INTS2: variants seen among roughly 807,000 people sequenced by gnomAD.
INTS2 encodes KIAA1287.
A neutral mutation model predicts 139.6 loss-of-function variants in INTS2; 57 were observed. That is an observed-to-expected ratio of 0.41 (90% CI 0.33 to 0.51). The LOEUF is 0.51. INTS2 is among the 20% of genes least tolerant of loss of function. The pLI, the probability that INTS2 is intolerant of heterozygous loss-of-function variation, is 0.28. For synonymous variants in INTS2, 473 were observed against 493.4 expected (o/e 0.96, Z 0.55); for missense variants, 1,196 against 1,436.7 (o/e 0.83, Z 2.71).
chr17:61,912,225 T>G (rs1223390729), intron 5 of INTS2, among the ~76,000 whole-genome samples, 155 bp from the exon 6 acceptor site: 1 of 152,024 alleles, frequency 6.6e-6, no homozygotes, highest in African/African-American at 2.4e-5. Flanking sequence ...AAAAGAATAG[T>G]AAACTCTGGG....
chr17:61,912,729 T>C (rs377011757), intron 5 of INTS2, among the ~76,000 whole-genome samples: 44 of 152,132 alleles, frequency 2.9e-4, no homozygotes, highest in African/African-American at 9.4e-4. Flanking sequence ...AAGAAAATCA[T>C]ACCAAGAAAC....
In INTS2 at chr17:61,878,038, G is replaced by A. The variant is rs755761011; in HGVS notation, c.2305C>T (p.His769Tyr). ...NNTQVMQIIE[H>Y]LTLLSASELI... ...TCACTGGCAGAGAGTAGAGTCAAGT[G>A]TTCTATAATCTGCATCACTTGTGTG... Residue 769 changes from histidine to tyrosine, a missense_variant, in exon 18 of 25, where the codon CAC becomes TAC. Transcript: ENST00000251334. 2 of 1,612,832 alleles carry A rather than the reference G, an allele frequency of 1.2e-6. No homozygotes were observed. Among genetic ancestry groups the A allele is most frequent in the Non-Finnish European group, 1.7e-6 (2 of 1,178,858 alleles).
intron 5 of INTS2, among the ~76,000 whole-genome samples, chr17:61,916,376 T>G (rs1277178391): frequency 6.6e-6 from 1 of 152,180 alleles, no homozygotes; most frequent in African/African-American, 2.4e-5. Context: ...AGAGCTGCAG[T>G]GAGCCAAGGT....
rs1465945119 is a variant in INTS2, at chr17:61,869,075, A to T, written c.3203T>A (p.Val1068Glu). Reference sequence around the variant, plus strand: ...CATGACATTGACAGCTAAACGAGCCACACTAAGTGACTTTGGTAATGCATA... The same window carrying T: ...CATGACATTGACAGCTAAACGAGCCTCACTAAGTGACTTTGGTAATGCATA... ...IQYALPKSLS[V>E]ARLAVNVMGT... Residue 1068 changes from valine (V) to glutamate (E), a missense_variant, in exon 23 of 25, where the codon GTG (valine) becomes GAG (glutamate). Val to Glu is a moderately radical substitution (Grantham distance 121). Transcript: ENST00000251334. The surrounding 1 kb of genome is among the most constrained non-coding windows in gnomAD (Gnocchi z 5.4). 6.2e-7 allele frequency: 1 copy of T among 1,612,890 alleles called. No individual in the cohort carries two copies. Among genetic ancestry groups the T allele is most frequent in the Non-Finnish European group, 8.5e-7 (1 of 1,179,016 alleles).
At chr17:61,888,427 TTC>T (rs2079251573) in intron 15 of INTS2, among the ~76,000 whole-genome samples, 1 of 152,182 alleles carries the variant, frequency 6.6e-6, no homozygotes, top group Admixed American at 6.5e-5. Context: ...CAGGTAAACC[TTC>T]TTTTTCAAAT....
At chr17:61,907,346 T>C (rs1014114606) in intron 8 of INTS2, 62 bp downstream of exon 8, 35 of 1,409,822 alleles carry the variant, frequency 2.5e-5, no homozygotes, top group Non-Finnish European at 3.3e-5. Flanking sequence ...TGGCTCACTT[T>C]CTTGAGAATA....
chr17:61,907,288 A>G, intron 8 of INTS2, 120 bp downstream of exon 8: 1 of 742,358 alleles, frequency 1.3e-6, no homozygotes, highest in Non-Finnish European at 2.2e-6. Flanking sequence ...AGGCCAGCCC[A>G]CTACCTGAGT....
chr17:61,865,485 C>T lies in INTS2; in HGVS notation c.*2072G>A, dbSNP rs1308686515. ...AATTTTATAACCTTAACTTAAAATACATGAATATTAACATTTACTAATATA... is the reference window on the plus strand; with the variant it reads ...AATTTTATAACCTTAACTTAAAATATATGAATATTAACATTTACTAATATA... On this transcript the variant is annotated 3_prime_UTR_variant, in exon 25 of 25. Transcript: ENST00000251334. The surrounding 1 kb of genome is among the most constrained non-coding windows in gnomAD (Gnocchi z 4.8). 1.3e-5 allele frequency: 2 copies of T among 152,566 alleles called. No individual in the cohort carries two copies. Among genetic ancestry groups the T allele is most frequent in the African/African-American group, 2.4e-5 (1 of 41,414 alleles). The allele number at this position is 152,566 out of a possible 1,614,324, so 9.5% of individuals were successfully genotyped here. A position where few individuals can be genotyped will look rare whatever the true frequency, so the allele number is the denominator to read the frequency against.
chr17:61,904,555 C>T lies in INTS2; in HGVS notation c.1212G>A (p.Leu404=). 1 of 1,612,090 alleles carries T rather than the reference C, an allele frequency of 6.2e-7. No homozygotes were observed. Among genetic ancestry groups the T allele is most frequent in the South Asian group, 1.1e-5 (1 of 90,600 alleles). Residue 404 remains leucine (L), a synonymous_variant, in exon 9 of 25, where the codon CTG becomes CTA. Transcript: ENST00000251334. ...CAGGAGGACGGCTCGTCATCAACTG[C>T]AGTAATTGCTCAGCTTCTTCTTCAG... ...KPTEEEAEQL[L]QLMTSRPPAT...
chr17:61,882,404 G>C lies in INTS2; in HGVS notation c.2090-1233C>G, dbSNP rs8081200. Among the ~76,000 whole-genome samples the C allele has an allele frequency of 0.15, 23,315 of 152,054 alleles. 2,777 individuals carry two copies. Among genetic ancestry groups the C allele is most frequent in the African/African-American group, 0.32 (13,134 of 41,424 alleles). On this transcript the variant is annotated intron_variant, in intron 16 of 24. Coordinates refer to ENST00000251334, the MANE Select transcript of INTS2 (RefSeq NM_001351695.2). The surrounding 1 kb of genome is among the most constrained non-coding windows in gnomAD (Gnocchi z 4.7). ...TTTATAACATTTTACCTATACCACA[G>C]TTTGACTATTCATGACTATTATGTA...
intron 9 of INTS2, among the ~76,000 whole-genome samples, chr17:61,901,579 T>A (rs1165757610): frequency 3.0e-4 from 6 of 19,856 alleles, no homozygotes; most frequent in East Asian, 2.3e-3. Flanking sequence ...AATGATTTCT[T>A]TTTTTTTTTT....
At chr17:61,920,211 C>T (rs1228493841) in intron 4 of INTS2, among the ~76,000 whole-genome samples, 1 of 138,208 alleles carries the variant, frequency 7.2e-6, no homozygotes, top group Admixed American at 7.4e-5. Flanking sequence ...GACGAAGTCT[C>T]GCTTTTGTCC....
chr17:61,906,554 GC>G (rs1373356299), intron 8 of INTS2, among the ~76,000 whole-genome samples: 5 of 152,256 alleles, frequency 3.3e-5, no homozygotes, highest in Middle Eastern at 6.8e-3. Context: ...AACTGAAATG[GC>G]AACTGTGTTG....
intron 9 of INTS2, among the ~76,000 whole-genome samples, chr17:61,901,168 C>CTGAG (rs2079400780): frequency 6.6e-6 from 1 of 151,906 alleles, no homozygotes; most frequent in Non-Finnish European, 1.5e-5. Context: ...ACTTGGGAGG[C>CTGAG]TGAGGTGGAA....
intron 2 of INTS2, among the ~76,000 whole-genome samples, chr17:61,925,982 C>T (rs566895708): frequency 2.0e-5 from 3 of 151,956 alleles, no homozygotes; most frequent in African/African-American, 7.2e-5. Context: ...GCCAAGATCA[C>T]GCCATTGCAC....
intron 15 of INTS2, among the ~76,000 whole-genome samples, chr17:61,888,281 T>A (rs1444080269): frequency 1.3e-5 from 2 of 150,372 alleles, no homozygotes; most frequent in Non-Finnish European, 3.0e-5. Context: ...GAGGCAGGGA[T>A]CCCTTGAGCC....
rs188655734 is a variant in INTS2, at chr17:61,890,171, C to T, written c.1876-277G>A. On this transcript the variant is annotated intron_variant, in intron 14 of 24. Transcript: ENST00000251334. The stretch of plus-strand genomic sequence containing the variant: ...CAATAGCAAACCCATCAGGCTGCTT[C>T]TGAAAGACAGGAGTCCCAAGTATTA... Among the ~76,000 whole-genome samples, 359 of 152,318 alleles carry T rather than the reference C, an allele frequency of 2.4e-3. 7 individuals carry two copies. Among genetic ancestry groups the T allele is most frequent in the Admixed American group, 0.023 (354 of 15,282 alleles).
chr17:61,927,666 C>T lies in INTS2; in HGVS notation c.-31G>A. The T allele has an allele frequency of 7.1e-7, 1 of 1,411,244 alleles. No individual in the cohort carries two copies. The highest frequency in any genetic ancestry group is 2.7e-5 in the East Asian group (1 of 37,608). 87.4% of individuals were successfully genotyped at this position (1,411,244 alleles called of 1,614,324 possible). A position where few individuals can be genotyped will look rare whatever the true frequency, so the allele number is the denominator to read the frequency against. On this transcript the variant is annotated 5_prime_UTR_variant, in exon 1 of 25. Transcript: ENST00000251334. ...GGACGCTTCATACCTTAAGATCTAC[C>T]CTCCAGCCTCACGGAACCGCACACG...
rs2079496817 is a variant in INTS2, at chr17:61,909,151, C to T, written c.955-1517G>A. Reference sequence around the variant, plus strand: ...TTTTTGAGACCGAGTCCTGCTCTGTCACCAGGCTGGAGTGCAGTGGCGTGA... The same window carrying T: ...TTTTTGAGACCGAGTCCTGCTCTGTTACCAGGCTGGAGTGCAGTGGCGTGA... On this transcript the variant is annotated intron_variant, in intron 7 of 24. Coordinates refer to ENST00000251334, the MANE Select transcript of INTS2 (RefSeq NM_001351695.2). This position sits in a 1 kb window ranked among gnomAD's most constrained non-coding sequence, Gnocchi z 4.9. Among the ~76,000 whole-genome samples the T allele has an allele frequency of 6.6e-6, 1 of 151,970 alleles. No homozygotes were observed. Among genetic ancestry groups the T allele is most frequent in the African/African-American group, 2.4e-5 (1 of 41,356 alleles).
Sources: gnomAD v4.1 joint callset for allele counts (sites outside exome capture counted in the v4.1 genomes callset) on GRCh38, gnomAD v4.1.1 for gene constraint, Gnocchi (gnomAD v3.1) non-coding constraint, MANE v1.5 for transcripts, NCBI Gene and HGNC (gene_info 2026-07-23, HGNC 2026-07-21) for gene names.